The following CTNNB1 variants were observed in gnomAD, a reference collection of about 807,000 sequenced individuals.
CTNNB1 encodes catenin beta-1.
A neutral mutation model predicts 82.5 loss-of-function variants in CTNNB1; 6 were observed. The ratio of observed to expected loss-of-function variants is 0.07; its 90% CI spans 0.04 to 0.14. The LOEUF is 0.14. CTNNB1 is among the 10% of genes least tolerant of loss of function. The probability of loss-of-function intolerance (pLI) is 1.00; values close to 1 mark genes in which losing one functional copy is unlikely to be tolerated. For synonymous variants in CTNNB1, 312 were observed against 329.7 expected (o/e 0.95, Z 0.58); for missense variants, 529 against 980.4 (o/e 0.54, Z 6.15).
At chr3:41,222,032 G>C (rs2078061194) in intron 1 of CTNNB1, 1 of 152,024 alleles carries the variant, frequency 6.6e-6, no homozygotes, top group African/African-American at 2.4e-5. Flanking sequence ...CCTATCCCTA[G>C]TTTCAAGTTT....
At position 41,224,677 on chromosome 3, in the gene CTNNB1, G is replaced by A. The variant is rs2078133252; in HGVS notation, c.165G>A (p.Glu55=). 1 of 1,613,986 alleles carries A rather than the reference G, an allele frequency of 6.2e-7. No homozygotes were observed. Among genetic ancestry groups the A allele is most frequent in the Non-Finnish European group, 8.5e-7 (1 of 1,179,960 alleles). Residue 55 remains glutamate, a synonymous_variant, in exon 3 of 15, where the codon GAG becomes GAA. Transcript: ENST00000349496. ...GTGGTAAAGGCAATCCTGAGGAAGAGGATGTGGATACCTCCCAAGTCCTGT... is the reference window on the plus strand; with the variant it reads ...GTGGTAAAGGCAATCCTGAGGAAGAAGATGTGGATACCTCCCAAGTCCTGT... The part of the protein sequence containing the change: ...SLSGKGNPEE[E]DVDTSQVLYE...
intron 10 of CTNNB1, chr3:41,234,828 C>T (rs1457030853): frequency 5.9e-6 from 1 of 169,012 alleles, no homozygotes; most frequent in South Asian, 1.4e-4. Context: ...TTAAAAGTAG[C>T]TTCATTAAAA....
intron 1 of CTNNB1, among the ~76,000 whole-genome samples, chr3:41,219,341 C>T (rs530719716): frequency 1.1e-4 from 16 of 152,288 alleles, no homozygotes; most frequent in South Asian, 8.3e-4. Context: ...ATAAATCACA[C>T]ATGCAAAGGA....
intron 1 of CTNNB1, among the ~76,000 whole-genome samples, chr3:41,208,847 T>TA (rs1411180899): frequency 3.3e-5 from 5 of 152,288 alleles, no homozygotes; most frequent in African/African-American, 1.2e-4. Context: ...GCTCTTTCCA[T>TA]GAGCAAACAT....
intron 7 of CTNNB1, among the ~76,000 whole-genome samples, chr3:41,232,601 C>T (rs1488511741): frequency 6.6e-6 from 1 of 151,874 alleles, no homozygotes; most frequent in Non-Finnish European, 1.5e-5. Flanking sequence ...ATTGGGCTTC[C>T]ATTTATACTC....
At chr3:41,202,992 A>G (rs2077567394) in intron 1 of CTNNB1, among the ~76,000 whole-genome samples, 1 of 151,828 alleles carries the variant, frequency 6.6e-6, no homozygotes, top group Non-Finnish European at 1.5e-5. Context: ...CTCTTGAAAG[A>G]TAAAGTCAAT....
At chr3:41,218,982 A>G (rs1026263796) in intron 1 of CTNNB1, among the ~76,000 whole-genome samples, 3 of 152,204 alleles carry the variant, frequency 2.0e-5, no homozygotes, top group Non-Finnish European at 2.9e-5. Flanking sequence ...TTCATAAACT[A>G]TATGAAGCAT....
intron 1 of CTNNB1, chr3:41,211,145 C>T (rs952896158): frequency 2.4e-5 from 11 of 449,396 alleles, no homozygotes; most frequent in African/African-American, 1.4e-4. Context: ...GTTTCGTTTA[C>T]ACCAGCATCA....
At position 41,239,986 on chromosome 3, in the gene CTNNB1, C is replaced by CTTTTTT. The variant is rs1207330730; in HGVS notation, c.*664_*669dup. ...TGACTTTGCTTGCTTTGAAGTAGCT[C>CTTTTTT]TTTTTTTTTTTTTTTTTTTTTTTTT... On this transcript the variant is annotated 3_prime_UTR_variant, in exon 15 of 15. Coordinates refer to ENST00000349496, the MANE Select transcript of CTNNB1 (RefSeq NM_001904.4). 1.3e-3 allele frequency: 43 copies of CTTTTTT among 32,670 alleles called. No individual in the cohort carries two copies. The highest frequency in any genetic ancestry group is 1.8e-3 in the African/African-American group (16 of 8,884). 2.0% of individuals were successfully genotyped at this position (32,670 alleles called of 1,614,324 possible).
chr3:41,238,746 T>G (rs1293775238), intron 14 of CTNNB1, among the ~76,000 whole-genome samples: 1 of 152,174 alleles, frequency 6.6e-6, no homozygotes, highest in Non-Finnish European at 1.5e-5. Flanking sequence ...CAGACCTCAT[T>G]ATTGTCTTAA....
In CTNNB1 at chr3:41,234,314, A is replaced by C. The variant is rs2276826; in HGVS notation, c.1683+17A>C. On this transcript the variant is annotated intron_variant, in intron 10 of 14. Coordinates refer to ENST00000349496, the MANE Select transcript of CTNNB1 (RefSeq NM_001904.4). ...CAATTTGTGGTAGGTAAATTCTTACAGTGATACCTGGCTATCTAAAAGGAA... is the reference window on the plus strand; with the variant it reads ...CAATTTGTGGTAGGTAAATTCTTACCGTGATACCTGGCTATCTAAAAGGAA... The C allele has an allele frequency of 6.2e-7, 1 of 1,613,842 alleles. No homozygotes were observed. The highest frequency in any genetic ancestry group is 2.2e-5 in the East Asian group (1 of 44,876).
chr3:41,234,278 G>A lies in CTNNB1; in HGVS notation c.1664G>A (p.Gly555Glu), dbSNP rs186068630. The change falls in exon 10 of 15, where the codon GGG (glycine) becomes GAG (glutamate). Residue 555 changes from glycine (G) to glutamate (E), a missense_variant. By Grantham distance (98) the Gly-to-Glu change is moderately conservative. Coordinates refer to ENST00000349496, the MANE Select transcript of CTNNB1 (RefSeq NM_001904.4). The stretch of plus-strand genomic sequence containing the variant: ...ACCCAGCGCCGTACGTCCATGGGTG[G>A]GACACAGCAGCAATTTGTGGTAGGT... ...QDTQRRTSMGGTQQQFVEGVR... is the reference protein window; with the variant it reads ...QDTQRRTSMGETQQQFVEGVR... The A allele has an allele frequency of 6.2e-7, 1 of 1,614,106 alleles. No homozygotes were observed. Among genetic ancestry groups the A allele is most frequent in the East Asian group, 2.2e-5 (1 of 44,882 alleles).
At chr3:41,232,161 G>A (rs1001988954) in intron 7 of CTNNB1, among the ~76,000 whole-genome samples, 8 of 152,134 alleles carry the variant, frequency 5.3e-5, no homozygotes, top group Non-Finnish European at 8.8e-5. Context: ...TAGAACTGCT[G>A]AATCAGAATG....
intron 13 of CTNNB1, chr3:41,237,047 T>A (rs191822934): frequency 2.3e-6 from 1 of 427,888 alleles, no homozygotes; most frequent in Admixed American, 4.0e-5. Flanking sequence ...TTTATCAGTA[T>A]TTTTTACTAA....
chr3:41,233,039 A>C (rs1326518364), intron 7 of CTNNB1, among the ~76,000 whole-genome samples: 2 of 152,184 alleles, frequency 1.3e-5, no homozygotes, highest in Non-Finnish European at 2.9e-5. Flanking sequence ...GAAATGATTG[A>C]ATGGATGAAA....
At chr3:41,230,737 T>A (rs1174465319) in intron 7 of CTNNB1, among the ~76,000 whole-genome samples, 1 of 152,122 alleles carries the variant, frequency 6.6e-6, no homozygotes, top group Non-Finnish European at 1.5e-5. Context: ...CCGTCTCTTG[T>A]CTATATGAGA....
At chr3:41,211,405 AT>A (rs1012944430) in intron 1 of CTNNB1, among the ~76,000 whole-genome samples, 1 of 152,062 alleles carries the variant, frequency 6.6e-6, no homozygotes, top group Non-Finnish European at 1.5e-5. Flanking sequence ...TTTATTTTAG[AT>A]TCAGGGTGTA....
chr3:41,208,919 C>G (rs967762643), intron 1 of CTNNB1, among the ~76,000 whole-genome samples: 7 of 152,190 alleles, frequency 4.6e-5, no homozygotes, highest in Admixed American at 3.9e-4. Context: ...CCACCTCAGT[C>G]TCTGCTTCTC....
At chr3:41,205,731 G>A (rs1277616962) in intron 1 of CTNNB1, among the ~76,000 whole-genome samples, 1 of 152,194 alleles carries the variant, frequency 6.6e-6, no homozygotes, top group Non-Finnish European at 1.5e-5. Flanking sequence ...TGACTGGAGT[G>A]AAAATGTAAA....
Sources: gnomAD v4.1 joint callset for allele counts (sites outside exome capture counted in the v4.1 genomes callset) on GRCh38, gnomAD v4.1.1 for gene constraint, MANE v1.5 for transcripts, NCBI Gene and HGNC (gene_info 2026-07-23, HGNC 2026-07-21) for gene names.